The following SGCD variants were observed in gnomAD, a reference collection of about 807,000 sequenced individuals.
SGCD encodes delta-sarcoglycan.
In SGCD, 18 loss-of-function variants were observed where a neutral mutation model predicts 36.6. The ratio of observed to expected loss-of-function variants is 0.49; its 90% CI spans 0.34 to 0.73. The LOEUF is 0.73. SGCD is among the 30% of genes least tolerant of loss of function. The probability of loss-of-function intolerance (pLI) is 0.01; values close to 1 mark genes in which losing one functional copy is unlikely to be tolerated. For missense variants in SGCD, 387 were observed against 346.7 expected, an observed-to-expected ratio of 1.12 and a Z score of -0.92; for synonymous variants, 133 against 130.6, an observed-to-expected ratio of 1.02 and a Z score of -0.12.
chr5:156,273,569 A>G (rs1766236407), intron 3 of SGCD, among the ~76,000 whole-genome samples: 2 of 152,224 alleles, frequency 1.3e-5, no homozygotes, highest in Admixed American at 6.5e-5. Context: ...TGCCTGAGCT[A>G]AATTTATTTC....
At chr5:156,371,741 C>CAATA (rs1770399223) in intron 3 of SGCD, among the ~76,000 whole-genome samples, 1 of 152,166 alleles carries the variant, frequency 6.6e-6, no homozygotes, top group East Asian at 1.9e-4. Flanking sequence ...TCACACTGTC[C>CAATA]AATAAATGTT....
At chr5:155,778,880 G>A in the SGCD span, among the ~76,000 whole-genome samples, 1 of 152,242 alleles carries the variant, frequency 6.6e-6, no homozygotes, top group Non-Finnish European at 1.5e-5. Context: ...TTTGGCAATA[G>A]TCACTCAAAA....
intron 4 of SGCD, among the ~76,000 whole-genome samples, chr5:156,549,770 G>A (rs551043755): frequency 2.0e-4 from 31 of 152,248 alleles, no homozygotes; most frequent in African/African-American, 5.8e-4. Flanking sequence ...ATAAGCAGTC[G>A]AACTGAAATT....
intron 1 of SGCD, among the ~76,000 whole-genome samples, chr5:155,882,097 C>CTAT (rs144555561): frequency 1.3e-5 from 2 of 151,970 alleles, no homozygotes; most frequent in Non-Finnish European, 2.9e-5. Context: ...ATGAATCATA[C>CTAT]TATTATTATT....
chr5:156,349,043 A>G (rs908780641), intron 3 of SGCD, among the ~76,000 whole-genome samples: 1 of 152,146 alleles, frequency 6.6e-6, no homozygotes, highest in Non-Finnish European at 1.5e-5. Flanking sequence ...TTGGATAGCT[A>G]CACGAAGAAT....
chr5:156,216,322 C>T (rs1764572550), intron 3 of SGCD, among the ~76,000 whole-genome samples: 1 of 152,074 alleles, frequency 6.6e-6, no homozygotes, highest in African/African-American at 2.4e-5. Flanking sequence ...TTTAAATGTT[C>T]TCGCAACAAA....
chr5:155,862,910 T>C, the SGCD span, among the ~76,000 whole-genome samples: 1 of 152,214 alleles, frequency 6.6e-6, no homozygotes, highest in Non-Finnish European at 1.5e-5. Context: ...GAAGGTTTTG[T>C]TTGGAACCCT....
intron 4 of SGCD, among the ~76,000 whole-genome samples, chr5:156,514,839 T>C (rs1757088458): frequency 6.6e-6 from 1 of 152,222 alleles, no homozygotes; most frequent in Admixed American, 6.5e-5. Flanking sequence ...TATTAACACC[T>C]ACATCATGTG....
At position 156,304,393 on chromosome 5, in the gene SGCD, T is replaced by C. The variant is rs183682340; in HGVS notation, c.-43-25141T>C. On this transcript the variant is annotated intron_variant, in intron 3 of 9. Transcript: ENST00000517913. The stretch of plus-strand genomic sequence containing the variant: ...TAAGTCTCATGAGATCTGATGGCTC[T>C]ATAATGGGGAGTTTCCCTGCAAACA... 1.5e-3 allele frequency among the ~76,000 whole-genome samples: 234 copies of C among 152,288 alleles called. 1 individual carries two copies. The highest frequency in any genetic ancestry group is 5.5e-3 in the African/African-American group (228 of 41,554).
At chr5:156,131,364 A>T (rs1465225940) in intron 3 of SGCD, among the ~76,000 whole-genome samples, 1 of 152,196 alleles carries the variant, frequency 6.6e-6, no homozygotes, top group East Asian at 1.9e-4. Context: ...CATTCATAGG[A>T]TGGGGATGAT....
At chr5:156,139,269 A>G (rs1432890786) in intron 3 of SGCD, among the ~76,000 whole-genome samples, 3 of 152,172 alleles carry the variant, frequency 2.0e-5, no homozygotes, top group Non-Finnish European at 2.9e-5. Context: ...TCACAAAGAT[A>G]TTCTCCTGTT....
chr5:156,069,560 T>C (rs931871707), intron 1 of SGCD, among the ~76,000 whole-genome samples: 6 of 152,140 alleles, frequency 3.9e-5, no homozygotes, highest in Non-Finnish European at 7.3e-5. Flanking sequence ...GGTAGCGTGA[T>C]GCCTCCAGCT....
chr5:156,571,005 C>T (rs1759696197), intron 4 of SGCD, among the ~76,000 whole-genome samples: 2 of 151,888 alleles, frequency 1.3e-5, no homozygotes, highest in Admixed American at 1.3e-4. Flanking sequence ...GTTTGTATTT[C>T]TTCTCTACCA....
intron 3 of SGCD, among the ~76,000 whole-genome samples, chr5:156,391,579 A>G (rs546185033): frequency 1.3e-5 from 2 of 152,364 alleles, no homozygotes; most frequent in South Asian, 2.1e-4. Flanking sequence ...TTTACAAAGC[A>G]TTTGCATTGT....
the SGCD span, among the ~76,000 whole-genome samples, chr5:155,767,878 G>A: frequency 6.6e-6 from 1 of 152,148 alleles, no homozygotes; most frequent in Admixed American, 6.5e-5. Context: ...GCTATTATTT[G>A]TTTAATATAT....
intron 3 of SGCD, among the ~76,000 whole-genome samples, chr5:156,402,107 T>G (rs529170245): frequency 6.6e-6 from 1 of 152,378 alleles, no homozygotes; most frequent in South Asian, 2.1e-4. Context: ...TTTCACTCCT[T>G]TCATACTGAA....
rs56304932 is a variant in SGCD at position 156,558,125 on chromosome 5, T to TATATATATATATATATATATATATA, written c.295-31104_295-31103insATATATATATATATATATATATAAT. Among the ~76,000 whole-genome samples the TATATATATATATATATATATATATA allele has an allele frequency of 5.1e-4, 55 of 107,750 alleles. 2 individuals are homozygous for TATATATATATATATATATATATATA. Among genetic ancestry groups the TATATATATATATATATATATATATA allele is most frequent in the Non-Finnish European group, 7.9e-4 (42 of 53,476 alleles). The allele number at this position is 107,750 out of a possible 152,430, so 70.7% of individuals were successfully genotyped here. A position where few individuals can be genotyped will look rare whatever the true frequency, so the allele number is the denominator to read the frequency against. On this transcript the variant is annotated intron_variant, in intron 4 of 8. Transcript: ENST00000337851. ...TATATATATATATATATATATATAT[T>TATATATATATATATATATATATATA]ATTTAACTCTCTTTTAAAGGCAGTT... is the stretch of plus-strand genomic sequence containing the variant.
intron 1 of SGCD, among the ~76,000 whole-genome samples, chr5:155,947,086 A>C (rs1487218608): frequency 1.3e-5 from 2 of 152,146 alleles, no homozygotes; most frequent in African/African-American, 4.8e-5. Flanking sequence ...AGAGATGGGG[A>C]GGGAGATATG....
rs375678272 is a variant in SGCD at position 156,497,623 on chromosome 5, T to TTCTCTC, written c.193-10961_193-10956dup. Among the ~76,000 whole-genome samples the TTCTCTC allele has an allele frequency of 4.4e-4, 65 of 146,392 alleles. No individual in the cohort carries two copies. The South Asian group carries it at 4.7e-3, about 10-fold the overall frequency. On this transcript the variant is annotated intron_variant, in intron 3 of 8. Coordinates refer to ENST00000337851, the MANE Select transcript of SGCD (RefSeq NM_000337.6). ...TAGCTCTCTCACTTGTGCGCGTGCT[T>TTCTCTC]TCTCTCTCTCTCTCTCTCTCTCACA... is the stretch of plus-strand genomic sequence containing the variant.
Sources: gnomAD v4.1 joint callset for allele counts (sites outside exome capture counted in the v4.1 genomes callset) on GRCh38, gnomAD v4.1.1 for gene constraint, MANE v1.5 for transcripts, NCBI Gene and HGNC (gene_info 2026-07-23, HGNC 2026-07-21) for gene names.